The following ANTXR1 variants were observed in gnomAD, a reference collection of about 807,000 sequenced individuals.
The protein encoded by ANTXR1 is ANTXR cell adhesion molecule 1, also known as anthrax toxin receptor 1.
In ANTXR1, 19 loss-of-function variants were observed where a neutral mutation model predicts 78.1. That is an observed-to-expected ratio of 0.24 (90% CI 0.17 to 0.36). The LOEUF (loss-of-function observed/expected upper bound fraction) is 0.36. ANTXR1 is among the 10% of genes least tolerant of loss of function. The pLI, the probability that ANTXR1 is intolerant of heterozygous loss-of-function variation, is 1.00. For synonymous variants in ANTXR1, 273 were observed against 260.5 expected, an observed-to-expected ratio of 1.05 and a Z score of -0.46; for missense variants, 518 against 718.6, an observed-to-expected ratio of 0.72 and a Z score of 3.19.
chr2:69,104,945 C>T (rs148744124), intron 10 of ANTXR1, among the ~76,000 whole-genome samples: 485 of 152,212 alleles, frequency 3.2e-3, no homozygotes, highest in Middle Eastern at 6.8e-3. Context: ...ATTAACTGGG[C>T]GTGGTGGTGC....
At chr2:69,019,211 T>C (rs895697751) in intron 1 of ANTXR1, among the ~76,000 whole-genome samples, 5 of 152,254 alleles carry the variant, frequency 3.3e-5, no homozygotes, top group African/African-American at 9.6e-5. Flanking sequence ...AAGAGTTCAA[T>C]AGAAGGCACC....
At chr2:69,125,946 A>G (rs6760455) in intron 12 of ANTXR1, among the ~76,000 whole-genome samples, 58,274 of 152,078 alleles carry the variant, frequency 0.38, 13,282 homozygotes, top group African/African-American at 0.64. Flanking sequence ...CCATTAGCTC[A>G]TTCTAGAAAC....
At chr2:69,167,754 C>T (rs1194900843) in intron 13 of ANTXR1, among the ~76,000 whole-genome samples, 1 of 152,088 alleles carries the variant, frequency 6.6e-6, no homozygotes, top group Non-Finnish European at 1.5e-5. Context: ...TCCTGTTTAC[C>T]TGAACAGAGT....
rs371899051 is a variant in ANTXR1, at chr2:69,068,362, G to T, written c.297-2285G>T. Among the ~76,000 whole-genome samples, 7 of 152,334 alleles carry T rather than the reference G, an allele frequency of 4.6e-5. No homozygotes were observed. The East Asian group carries it at 1.3e-3, about 29-fold the overall frequency. ...CAAAATTGTGGGGTACCAGGAAAAA[G>T]TCTAATAGAGGAAGACAATTCAGAT... On this transcript the variant is annotated intron_variant, in intron 3 of 17. Transcript: ENST00000303714.
At chr2:69,016,151 A>G (rs533254163) in intron 1 of ANTXR1, among the ~76,000 whole-genome samples, 2 of 152,340 alleles carry the variant, frequency 1.3e-5, no homozygotes, top group South Asian at 4.1e-4. Context: ...GAAAAGTTCT[A>G]TATCTGTGCA....
At chr2:69,228,172 G>A (rs1573991367) in intron 17 of ANTXR1, among the ~76,000 whole-genome samples, 1 of 152,212 alleles carries the variant, frequency 6.6e-6, no homozygotes, top group East Asian at 1.9e-4. Context: ...TATAAGGGGA[G>A]AGGCACATAG....
intron 3 of ANTXR1, among the ~76,000 whole-genome samples, chr2:69,049,189 G>A (rs552724360): frequency 2.0e-5 from 3 of 152,166 alleles, no homozygotes; most frequent in Admixed American, 1.3e-4. Flanking sequence ...TGGGTTTTCT[G>A]TAGAAAAGAC....
intron 5 of ANTXR1, among the ~76,000 whole-genome samples, 153 bp downstream of exon 5, chr2:69,071,940 T>C (rs575755214): frequency 6.6e-6 from 1 of 152,338 alleles, no homozygotes; most frequent in African/African-American, 2.4e-5. Context: ...AAGGAATGCA[T>C]AGAAAGGTGG....
chr2:69,144,018 A>C (rs185426418), intron 12 of ANTXR1, among the ~76,000 whole-genome samples: 86 of 152,374 alleles, frequency 5.6e-4, no homozygotes, highest in Non-Finnish European at 9.3e-4. Flanking sequence ...CCCATCTAGA[A>C]CTGCTCAGCA....
intron 1 of ANTXR1, among the ~76,000 whole-genome samples, chr2:69,019,212 AGAAGGCACCTT>A (rs890069161): frequency 1.3e-5 from 2 of 152,258 alleles, no homozygotes; most frequent in Non-Finnish European, 2.9e-5. Flanking sequence ...AGAGTTCAAT[AGAAGGCACCTT>A]GAAGGTGCTA....
At chr2:69,208,978 C>T (rs1674972620) in intron 17 of ANTXR1, among the ~76,000 whole-genome samples, 1 of 152,322 alleles carries the variant, frequency 6.6e-6, no homozygotes, top group East Asian at 1.9e-4. Flanking sequence ...TCACAGCTCA[C>T]TGCAGCCCCG....
At chr2:69,019,136 T>A (rs1671110155) in intron 1 of ANTXR1, among the ~76,000 whole-genome samples, 1 of 152,242 alleles carries the variant, frequency 6.6e-6, no homozygotes, top group Non-Finnish European at 1.5e-5. Context: ...AGATGTAGCT[T>A]ATTTTCAGAA....
At chr2:69,215,714 G>A (rs1675158720) in intron 17 of ANTXR1, among the ~76,000 whole-genome samples, 1 of 152,152 alleles carries the variant, frequency 6.6e-6, no homozygotes, top group Admixed American at 6.5e-5. Flanking sequence ...GCCCATAGTA[G>A]GTACTTTAAA....
intron 17 of ANTXR1, among the ~76,000 whole-genome samples, chr2:69,224,597 C>T (rs896166722): frequency 5.9e-5 from 9 of 152,056 alleles, no homozygotes; most frequent in African/African-American, 2.2e-4. Flanking sequence ...CTGCAGGGCC[C>T]CACCGTTGCT....
intron 16 of ANTXR1, among the ~76,000 whole-genome samples, chr2:69,185,401 G>A (rs1424354340): frequency 3.3e-5 from 5 of 152,100 alleles, no homozygotes; most frequent in Admixed American, 6.5e-5. Flanking sequence ...TTAGCTGGGC[G>A]TGGTTGTGGG....
At chr2:69,209,010 C>T (rs1216008901) in intron 17 of ANTXR1, among the ~76,000 whole-genome samples, 5 of 152,182 alleles carry the variant, frequency 3.3e-5, no homozygotes, top group Non-Finnish European at 7.3e-5. Flanking sequence ...TCCAGTGATC[C>T]TCCTGCCTCA....
chr2:69,153,127 T>C (rs937261150), intron 13 of ANTXR1, among the ~76,000 whole-genome samples: 5 of 152,186 alleles, frequency 3.3e-5, no homozygotes, highest in African/African-American at 1.2e-4. Context: ...TGGCCACTGC[T>C]CCACTGCCAT....
intron 8 of ANTXR1, among the ~76,000 whole-genome samples, 162 bp downstream of exon 8, chr2:69,077,650 C>T (rs1330460401): frequency 1.3e-5 from 2 of 152,222 alleles, no homozygotes; most frequent in Non-Finnish European, 2.9e-5. Context: ...TCTCTCCCTT[C>T]TGCCTTTTAC....
chr2:69,087,996 C>T lies in ANTXR1; in HGVS notation c.643-2863C>T, dbSNP rs1287399268. Among the ~76,000 whole-genome samples, 4 of 152,348 alleles carry T rather than the reference C, an allele frequency of 2.6e-5. No individual in the cohort carries two copies. The East Asian group carries it at 7.7e-4, about 29-fold the overall frequency. On this transcript the variant is annotated intron_variant, in intron 8 of 17. Coordinates refer to ENST00000303714, the MANE Select transcript of ANTXR1 (RefSeq NM_032208.3). ...ATCCCCCTCACTGATAAATTTTACT[C>T]TATTGGCTGTATTGCATCCTTCCAG...
Sources: gnomAD v4.1 joint callset for allele counts (sites outside exome capture counted in the v4.1 genomes callset) on GRCh38, gnomAD v4.1.1 for gene constraint, MANE v1.5 for transcripts, NCBI Gene and HGNC (gene_info 2026-07-23, HGNC 2026-07-21) for gene names.